Variants in TMEM132C observed in about 807,000 individuals in gnomAD.
The protein encoded by TMEM132C is transmembrane protein 132C.
TMEM132C carries 29 observed loss-of-function variants against 61.4 expected under a neutral mutation model. The ratio of observed to expected loss-of-function variants is 0.47; its 90% confidence interval spans 0.35 to 0.64. The LOEUF (loss-of-function observed/expected upper bound fraction) is 0.64, where lower values mean the gene tolerates loss of function less well. Ranked by LOEUF, TMEM132C falls within the 30% of genes least tolerant of loss-of-function variation. TMEM132C has a pLI of 0.00. For synonymous variants in TMEM132C, 656 were observed against 633.1 expected (o/e 1.04, Z -0.54); for missense variants, 1,408 against 1,476.9 (o/e 0.95, Z 0.76).
chr12:128,505,513 C>A (rs968816213), intron 2 of TMEM132C, among the ~76,000 whole-genome samples: 1 of 152,092 alleles, frequency 6.6e-6, no homozygotes, highest in Non-Finnish European at 1.5e-5. Context: ...GCCCTGGTAC[C>A]CACCCCCATG....
At chr12:128,324,310 A>AC in intron 1 of TMEM132C, among the ~76,000 whole-genome samples, 1 of 152,284 alleles carries the variant, frequency 6.6e-6, no homozygotes, top group South Asian at 2.1e-4. Flanking sequence ...TGACATGCAA[A>AC]CCACTAGTAG....
intron 1 of TMEM132C, among the ~76,000 whole-genome samples, chr12:128,305,322 G>T (rs7132483): frequency 2.0e-5 from 3 of 151,880 alleles, no homozygotes; most frequent in East Asian, 1.9e-4. Context: ...GTCTGAAGAG[G>T]GAGAGTTTTA....
intron 1 of TMEM132C, among the ~76,000 whole-genome samples, chr12:128,338,736 T>G (rs531826654): frequency 2.2e-5 from 3 of 138,718 alleles, no homozygotes; most frequent in Non-Finnish European, 4.5e-5. Context: ...CTGGGCTCCT[T>G]TCTTGTTTTC....
At position 128,412,212 on chromosome 12, in the gene TMEM132C, G is replaced by A. The variant is rs999878672; in HGVS notation, c.86-2520G>A. ...ACCAATTCAGGGTTTTTACTCACCC[G>A]TGTTGATATTATTATCATATGTCAA... On this transcript the variant is annotated intron_variant, in intron 1 of 8. Coordinates refer to ENST00000435159, the MANE Select transcript of TMEM132C (RefSeq NM_001136103.3). Among the ~76,000 whole-genome samples, 5 of 152,048 alleles carry A rather than the reference G, an allele frequency of 3.3e-5. 1 individual carries two copies. The highest frequency in any genetic ancestry group is 4.2e-4 in the South Asian group (2 of 4,804).
chr12:128,667,511 T>C (rs887165852), intron 4 of TMEM132C, among the ~76,000 whole-genome samples: 16 of 152,212 alleles, frequency 1.1e-4, no homozygotes, highest in African/African-American at 3.9e-4. Flanking sequence ...TGCTGGCTGA[T>C]GCAAAAGCAT....
chr12:128,580,489 A>G (rs1266358172), intron 3 of TMEM132C, among the ~76,000 whole-genome samples: 2 of 152,242 alleles, frequency 1.3e-5, no homozygotes, highest in African/African-American at 2.4e-5. Flanking sequence ...CCTGGCAGGT[A>G]TTAATAAATC....
At position 128,706,379 on chromosome 12, in the gene TMEM132C, G is replaced by A; in HGVS notation, c.*84G>A. 1 of 1,429,678 alleles carries A rather than the reference G, an allele frequency of 7.0e-7. No homozygotes were observed. Among genetic ancestry groups the A allele is most frequent in the Non-Finnish European group, 9.2e-7 (1 of 1,092,588 alleles). 88.6% of individuals were successfully genotyped at this position (1,429,678 alleles called of 1,614,324 possible). Reference sequence around the variant, plus strand: ...GTGGGGCAGAAGGCGTTGTCAGTGGGGTTAAGAAGGGACGGTCCCAGGGTC... The same window carrying A: ...GTGGGGCAGAAGGCGTTGTCAGTGGAGTTAAGAAGGGACGGTCCCAGGGTC... On this transcript the variant is annotated 3_prime_UTR_variant, in exon 9 of 9. Coordinates refer to ENST00000435159, the MANE Select transcript of TMEM132C (RefSeq NM_001136103.3).
At chr12:128,618,582 C>T (rs1166133668) in intron 4 of TMEM132C, among the ~76,000 whole-genome samples, 12 of 152,022 alleles carry the variant, frequency 7.9e-5, no homozygotes, top group South Asian at 4.1e-4. Flanking sequence ...GGGAGGGACT[C>T]GATGGGAGAA....
chr12:128,535,599 T>G (rs1212902339), intron 2 of TMEM132C, among the ~76,000 whole-genome samples: 1 of 152,174 alleles, frequency 6.6e-6, no homozygotes, highest in Admixed American at 6.6e-5. Flanking sequence ...GCCGGTGCAG[T>G]GGCTCACGCC....
At chr12:128,662,944 T>C (rs1376410922) in intron 4 of TMEM132C, among the ~76,000 whole-genome samples, 2 of 152,136 alleles carry the variant, frequency 1.3e-5, no homozygotes, top group African/African-American at 4.8e-5. Flanking sequence ...CTTAGTCCCA[T>C]GTCCAGGGTC....
intron 5 of TMEM132C, among the ~76,000 whole-genome samples, chr12:128,692,999 C>T (rs1383385915): frequency 6.6e-6 from 1 of 152,086 alleles, no homozygotes; most frequent in Non-Finnish European, 1.5e-5. Context: ...ATTCACATAA[C>T]GAACACGTAT....
chr12:128,431,988 T>C (rs1869406767), intron 2 of TMEM132C, among the ~76,000 whole-genome samples: 1 of 152,190 alleles, frequency 6.6e-6, no homozygotes, highest in Non-Finnish European at 1.5e-5. Context: ...TTATGCTCAA[T>C]CTGCTCTGTC....
intron 2 of TMEM132C, among the ~76,000 whole-genome samples, chr12:128,467,507 C>G (rs900693246): frequency 6.6e-6 from 1 of 152,134 alleles, no homozygotes; most frequent in Non-Finnish European, 1.5e-5. Context: ...TGTGAGCCAA[C>G]TGAGCTGTTT....
intron 5 of TMEM132C, among the ~76,000 whole-genome samples, chr12:128,689,037 C>T (rs182850184): frequency 6.6e-6 from 1 of 152,040 alleles, no homozygotes; most frequent in East Asian, 1.9e-4. Context: ...AGGCTGGTCT[C>T]AAACTCCTGA....
intron 2 of TMEM132C, among the ~76,000 whole-genome samples, chr12:128,516,757 T>A (rs921870951): frequency 1.3e-4 from 20 of 151,878 alleles, no homozygotes; most frequent in South Asian, 2.1e-4. Context: ...ACAAAAAAAA[T>A]TTTTAAATTA....
At chr12:128,341,027 G>A (rs1872963093) in intron 1 of TMEM132C, among the ~76,000 whole-genome samples, 4 of 149,734 alleles carry the variant, frequency 2.7e-5, no homozygotes, top group South Asian at 2.1e-4. Flanking sequence ...TGCAGCCTCC[G>A]CCTCCCAGGT....
intron 2 of TMEM132C, among the ~76,000 whole-genome samples, chr12:128,473,410 GCCTCCATCTTCATCTTTGC>G (rs1871040475): frequency 1.4e-5 from 2 of 148,010 alleles, no homozygotes; most frequent in Non-Finnish European, 3.0e-5. Flanking sequence ...TTTCACTCCA[GCCTCCATCTTCATCTTTGC>G]TCCAGCCTCT....
intron 4 of TMEM132C, among the ~76,000 whole-genome samples, chr12:128,627,294 G>T (rs1390695322): frequency 6.6e-6 from 1 of 151,994 alleles, no homozygotes; most frequent in Middle Eastern, 3.2e-3. Flanking sequence ...TCCCCTCCCC[G>T]CTGAAATCTG....
chr12:128,629,609 G>A (rs1329817700), intron 4 of TMEM132C, among the ~76,000 whole-genome samples: 1 of 152,174 alleles, frequency 6.6e-6, no homozygotes, highest in Admixed American at 6.5e-5. Flanking sequence ...GGGCCATGAA[G>A]TCTCAGCCCT....
Sources: allele counts gnomAD v4.1 joint callset (sites outside exome capture counted in the v4.1 genomes callset), GRCh38; gene constraint gnomAD v4.1.1; transcripts MANE v1.5; gene names NCBI Gene and HGNC (gene_info 2026-07-23, HGNC 2026-07-21).